The following IMMP2L variants were observed in gnomAD, a reference collection of about 807,000 sequenced individuals.
The protein encoded by IMMP2L is mitochondrial inner membrane protease subunit 2.
Under a neutral mutation model 19.3 loss-of-function variants are expected in IMMP2L, and 18 were observed. The observed-to-expected ratio is 0.93, with a 90% confidence interval of 0.64 to 1.38. IMMP2L has a LOEUF of 1.38. IMMP2L is among the 40% of genes most tolerant of loss of function. The pLI, the probability that IMMP2L is intolerant of heterozygous loss-of-function variation, is 0.00. For synonymous variants in IMMP2L, 76 were observed against 73.0 expected, an observed-to-expected ratio of 1.04 and a Z score of -0.21; for missense variants, 233 against 218.2, an observed-to-expected ratio of 1.07 and a Z score of -0.43.
intron 5 of IMMP2L, among the ~76,000 whole-genome samples, chr7:110,873,217 C>T (rs1808700881): frequency 6.6e-6 from 1 of 151,838 alleles, no homozygotes; most frequent in African/African-American, 2.4e-5. Context: ...GCCAGGAGTT[C>T]GAGACCAGCC....
intron 4 of IMMP2L, among the ~76,000 whole-genome samples, chr7:110,928,417 TA>T (rs1815102970): frequency 6.9e-6 from 1 of 144,170 alleles, no homozygotes; most frequent in Non-Finnish European, 1.5e-5. Flanking sequence ...AGCTTCCTAT[TA>T]TATCTGGTTA....
At chr7:111,203,925 G>C (rs779219036) in intron 3 of IMMP2L, among the ~76,000 whole-genome samples, 27 of 151,944 alleles carry the variant, frequency 1.8e-4, no homozygotes, top group Non-Finnish European at 3.2e-4. Flanking sequence ...ATTTTCTTAG[G>C]AATAGTTTAA....
intron 3 of IMMP2L, chr7:111,394,745 A>G (rs1033143700): frequency 1.3e-5 from 2 of 156,394 alleles, no homozygotes; most frequent in Non-Finnish European, 2.8e-5. Flanking sequence ...AAAATAGACT[A>G]TAAGACAATT....
intron 3 of IMMP2L, chr7:111,124,977 CA>C: frequency 2.0e-6 from 2 of 1,013,622 alleles, no homozygotes; most frequent in Admixed American, 3.0e-5. Context: ...AAAAACAAAA[CA>C]AAACAAACAA....
intron 4 of IMMP2L, among the ~76,000 whole-genome samples, chr7:110,890,806 A>T (rs1381400724): frequency 6.6e-6 from 1 of 152,196 alleles, no homozygotes; most frequent in Non-Finnish European, 1.5e-5. Context: ...TAGGTCTTAT[A>T]AATGGAATAA....
chr7:110,684,237 T>A (rs1416957040), intron 5 of IMMP2L, among the ~76,000 whole-genome samples: 1 of 152,008 alleles, frequency 6.6e-6, no homozygotes, highest in Admixed American at 6.6e-5. Flanking sequence ...TTTACAAAAA[T>A]TTTTATATTC....
intron 3 of IMMP2L, among the ~76,000 whole-genome samples, chr7:111,434,366 T>C (rs185700861): frequency 1.3e-5 from 2 of 150,376 alleles, no homozygotes; most frequent in African/African-American, 2.5e-5. Flanking sequence ...AATAGACAAA[T>C]GAGGATTAAA....
At chr7:111,124,758 G>C (rs199968425) in intron 3 of IMMP2L, 1 of 1,613,812 alleles carries the variant, frequency 6.2e-7, no homozygotes, top group South Asian at 1.1e-5. Flanking sequence ...ACAGCTATGT[G>C]AGGAATTACT....
chr7:110,676,244 T>C (rs1792288287), intron 5 of IMMP2L, among the ~76,000 whole-genome samples: 1 of 152,240 alleles, frequency 6.6e-6, no homozygotes, highest in Non-Finnish European at 1.5e-5. Flanking sequence ...GATCAGACAG[T>C]AAATAGTTTA....
At chr7:110,801,329 C>G (rs1471122239) in intron 5 of IMMP2L, among the ~76,000 whole-genome samples, 1 of 152,054 alleles carries the variant, frequency 6.6e-6, no homozygotes, top group Non-Finnish European at 1.5e-5. Context: ...TACTGCTTGT[C>G]TAAATTTTAT....
chr7:110,920,990 A>C (rs1052851408), intron 4 of IMMP2L, among the ~76,000 whole-genome samples: 3 of 152,190 alleles, frequency 2.0e-5, no homozygotes, highest in Non-Finnish European at 4.4e-5. Flanking sequence ...TTCTGAGATC[A>C]TGACCTTTTT....
intron 3 of IMMP2L, among the ~76,000 whole-genome samples, chr7:111,078,721 TTTTATTTA>T (rs200837271): frequency 8.6e-5 from 13 of 151,830 alleles, no homozygotes; most frequent in African/African-American, 2.7e-4. Context: ...TATTTTTTAT[TTTTATTTA>T]TTTATTTATT....
chr7:110,861,125 GAGAGACAGAGAC>G (rs967220811), intron 5 of IMMP2L, among the ~76,000 whole-genome samples: 366 of 146,012 alleles, frequency 2.5e-3, no homozygotes, highest in Middle Eastern at 0.01. Context: ...GAGAGAGAGA[GAGAGACAGAGAC>G]AGAGAGACAG....
At chr7:111,510,462 C>T (rs77819076) in intron 2 of IMMP2L, among the ~76,000 whole-genome samples, 3,036 of 152,098 alleles carry the variant, frequency 0.02, 101 homozygotes, top group African/African-American at 0.069. Flanking sequence ...TGTTTTGACA[C>T]GTTAAAAAAA....
At chr7:110,812,044 C>T (rs981420373) in intron 5 of IMMP2L, among the ~76,000 whole-genome samples, 2 of 151,976 alleles carry the variant, frequency 1.3e-5, no homozygotes, top group African/African-American at 4.8e-5. Flanking sequence ...AACCTTATTT[C>T]TCTGACACAT....
chr7:111,069,282 T>A (rs1036436249), intron 3 of IMMP2L, among the ~76,000 whole-genome samples: 1 of 152,174 alleles, frequency 6.6e-6, no homozygotes, highest in Admixed American at 6.5e-5. Context: ...ATGACTTCCA[T>A]GGGCAAGCTG....
At chr7:111,264,110 T>C (rs781336740) in intron 3 of IMMP2L, among the ~76,000 whole-genome samples, 9 of 152,112 alleles carry the variant, frequency 5.9e-5, no homozygotes, top group Non-Finnish European at 1.2e-4. Flanking sequence ...AAACACCCAA[T>C]TACATTTCTA....
At chr7:110,790,750 G>C in intron 5 of IMMP2L, among the ~76,000 whole-genome samples, 1 of 151,710 alleles carries the variant, frequency 6.6e-6, no homozygotes, top group Non-Finnish European at 1.5e-5. Context: ...GCAAGTCCCA[G>C]AGCAATGTTC....
chr7:111,007,575 TCA>T (rs1458333525), intron 3 of IMMP2L, among the ~76,000 whole-genome samples: 3 of 152,124 alleles, frequency 2.0e-5, no homozygotes, highest in African/African-American at 4.8e-5. Context: ...GGCTCAGACC[TCA>T]CACTTTTTTT....
Sources: allele counts gnomAD v4.1 joint callset (sites outside exome capture counted in the v4.1 genomes callset), GRCh38; gene constraint gnomAD v4.1.1; transcripts MANE v1.5; gene names NCBI Gene and HGNC (gene_info 2026-07-23, HGNC 2026-07-21).